Variants in TRPA1 observed in about 807,000 individuals in gnomAD.
TRPA1 encodes ankyrin-like with transmembrane domains 1.
TRPA1 carries 129 observed loss-of-function variants against 131.3 expected under a neutral mutation model. The observed-to-expected ratio is 0.98, with a 90% CI of 0.85 to 1.14. TRPA1 has a LOEUF of 1.14. TRPA1 is among the 50% of genes most tolerant of loss of function. The pLI is 0.00. For synonymous variants in TRPA1, 441 were observed against 451.7 expected (o/e 0.98, Z 0.30); for missense variants, 1,304 against 1,354.2 (o/e 0.96, Z 0.58).
At chr8:72,065,627 G>C in intron 3 of TRPA1, 69 bp from the exon 4 acceptor site, 2 of 1,125,268 alleles carry the variant, frequency 1.8e-6, no homozygotes, top group South Asian at 2.6e-5. Flanking sequence ...CCTTCCACTA[G>C]AGTTTAAGTT....
chr8:72,026,769 C>G (rs1379197904), intron 24 of TRPA1, among the ~76,000 whole-genome samples: 2 of 151,912 alleles, frequency 1.3e-5, no homozygotes, highest in Non-Finnish European at 2.9e-5. Context: ...CCCTTTGTAT[C>G]TGATGTATAG....
intron 3 of TRPA1, among the ~76,000 whole-genome samples, chr8:72,067,162 A>T (rs1027472430): frequency 6.6e-6 from 1 of 152,206 alleles, no homozygotes; most frequent in African/African-American, 2.4e-5. Context: ...AGGGACGGTC[A>T]GTGGAGCAGT....
At chr8:72,054,815 A>C (rs2129435462) in intron 12 of TRPA1, 1 of 152,162 alleles carries the variant, frequency 6.6e-6, no homozygotes, top group Non-Finnish European at 1.5e-5. Flanking sequence ...CAAATGAAAA[A>C]CCTCTGTAAA....
intron 24 of TRPA1, among the ~76,000 whole-genome samples, chr8:72,027,959 C>T (rs913216229): frequency 6.6e-6 from 1 of 152,118 alleles, no homozygotes; most frequent in African/African-American, 2.4e-5. Flanking sequence ...GTTCAGTAAG[C>T]TTCCCCAATT....
intron 21 of TRPA1, among the ~76,000 whole-genome samples, chr8:72,035,161 C>A (rs1280920712): frequency 6.6e-6 from 1 of 152,160 alleles, no homozygotes; most frequent in African/African-American, 2.4e-5. Flanking sequence ...AACTTGTAGT[C>A]TGCCTTTGAC....
chr8:72,052,971 G>C (rs1756622469), intron 13 of TRPA1: 1 of 375,588 alleles, frequency 2.7e-6, no homozygotes, highest in African/African-American at 2.5e-5. Flanking sequence ...GGATCTGTGT[G>C]TGTGTGTGTG....
intron 23 of TRPA1, among the ~76,000 whole-genome samples, chr8:72,031,372 A>G (rs1373609904): frequency 2.0e-5 from 3 of 152,102 alleles, no homozygotes; most frequent in Non-Finnish European, 4.4e-5. Flanking sequence ...TGAGCCTAGG[A>G]GTTCCAGACC....
intron 15 of TRPA1, among the ~76,000 whole-genome samples, chr8:72,049,559 A>G (rs1397803953): frequency 6.6e-6 from 1 of 152,028 alleles, no homozygotes; most frequent in Non-Finnish European, 1.5e-5. Flanking sequence ...CAACCCTCAA[A>G]TCCCAACTTT....
chr8:72,044,793 A>G (rs1273385489), intron 17 of TRPA1, among the ~76,000 whole-genome samples: 1 of 151,954 alleles, frequency 6.6e-6, no homozygotes, highest in Non-Finnish European at 1.5e-5. Flanking sequence ...GCTCACTTAC[A>G]ACTAAAGGAA....
intron 20 of TRPA1, among the ~76,000 whole-genome samples, chr8:72,036,715 T>G (rs1015793432): frequency 2.0e-5 from 3 of 152,168 alleles, no homozygotes; most frequent in African/African-American, 7.2e-5. Flanking sequence ...TACAAATTGC[T>G]GGGCTTTCCC....
Position 72,069,170 on chromosome 8 carries a change from AT to A in TRPA1, c.296del (p.Asn99IlefsTer8). On this transcript the variant is annotated frameshift_variant, in exon 3 of 27. Transcript: ENST00000262209. LOFTEE classifies it high-confidence loss of function. ...TTTCTACAGCACAATGCAGAGGGGT[AT>A]TTCCATAATCATCCATTTCATGCAG... ...EVLHEMDDYGNTPLHCAVEKN... is the reference protein window; with the variant it reads ...EVLHEMDDYGXTPLHCAVEKN... The A allele has an allele frequency of 6.2e-7, 1 of 1,614,236 alleles. No individual in the cohort carries two copies. The highest frequency in any genetic ancestry group is 8.5e-7 in the Non-Finnish European group (1 of 1,180,034).
At chr8:72,083,394 C>G in the TRPA1 span, among the ~76,000 whole-genome samples, 1 of 152,088 alleles carries the variant, frequency 6.6e-6, no homozygotes, top group East Asian at 1.9e-4. Flanking sequence ...TATAACTGGA[C>G]GTTTTAGATG....
chr8:72,034,111 TA>T, intron 22 of TRPA1, 136 bp downstream of exon 22: 1 of 1,008,730 alleles, frequency 9.9e-7, no homozygotes, highest in Admixed American at 2.7e-5. Context: ...ATTTGAAAGA[TA>T]TAGGAGATAA....
In TRPA1 at chr8:72,075,417, AC is replaced by A; in HGVS notation, c.-9del. 1 of 1,599,398 alleles carries A rather than the reference AC, an allele frequency of 6.3e-7. No individual in the cohort carries two copies. Among genetic ancestry groups the A allele is most frequent in the Non-Finnish European group, 8.5e-7 (1 of 1,174,574 alleles). On this transcript the variant is annotated 5_prime_UTR_variant, in exon 1 of 27. Transcript: ENST00000262209. The stretch of plus-strand genomic sequence containing the variant: ...CCTCAGGCTGCGCTTCATTGACCCC[AC>A]CCCGGACGCCACCTGGTGCAGCTGC...
chr8:72,057,975 T>C (rs1805715345), intron 8 of TRPA1, among the ~76,000 whole-genome samples, 159 bp from the exon 9 acceptor site: 1 of 152,228 alleles, frequency 6.6e-6, no homozygotes, highest in Non-Finnish European at 1.5e-5. Context: ...AAGTTTCCCA[T>C]AGTTCATATG....
chr8:72,049,445 TC>T (rs35955872), intron 15 of TRPA1, among the ~76,000 whole-genome samples: 1 of 152,250 alleles, frequency 6.6e-6, no homozygotes, highest in African/African-American at 2.4e-5. Flanking sequence ...GGTCTTCTAT[TC>T]CCTGTGTCAT....
chr8:72,062,661 T>C (rs1585883373), intron 6 of TRPA1, 138 bp downstream of exon 6: 1 of 917,470 alleles, frequency 1.1e-6, no homozygotes. Flanking sequence ...TCTCTTGTTC[T>C]GCTTCTGCAG....
the TRPA1 span, among the ~76,000 whole-genome samples, chr8:72,084,758 TCTC>T: frequency 6.6e-6 from 1 of 150,516 alleles, no homozygotes; most frequent in African/African-American, 2.4e-5. Context: ...TTCAAGCAAT[TCTC>T]CTGCCTCAGC....
chr8:72,052,082 C>T (rs1043689680), intron 14 of TRPA1, among the ~76,000 whole-genome samples: 1 of 152,212 alleles, frequency 6.6e-6, no homozygotes, highest in African/African-American at 2.4e-5. Context: ...CAAAGCATCT[C>T]ATGTACCTGA....
Sources: allele counts gnomAD v4.1 joint callset (sites outside exome capture counted in the v4.1 genomes callset), GRCh38; gene constraint gnomAD v4.1.1; transcripts MANE v1.5; gene names NCBI Gene and HGNC (gene_info 2026-07-23, HGNC 2026-07-21).